The following HTR4 variants were observed in gnomAD, a reference collection of about 807,000 sequenced individuals.
HTR4 encodes 5-hydroxytryptamine (serotonin) receptor 4, G protein-coupled.
A neutral mutation model predicts 36.8 loss-of-function variants in HTR4; 16 were observed. The observed-to-expected ratio is 0.43, with a 90% CI of 0.29 to 0.66. The LOEUF (loss-of-function observed/expected upper bound fraction) is 0.66, where lower values mean the gene tolerates loss of function less well. Ranked by LOEUF, HTR4 falls within the 30% of genes least tolerant of loss-of-function variation. The pLI, the probability that HTR4 is intolerant of heterozygous loss-of-function variation, is 0.13. For missense variants in HTR4, 438 were observed against 490.9 expected, an observed-to-expected ratio of 0.89 and a Z score of 1.02; for synonymous variants, 189 against 185.1, an observed-to-expected ratio of 1.02 and a Z score of -0.17.
chr5:148,464,034 C>CAAAAAAAAAAAA (rs34212190), intron 5 of HTR4, among the ~76,000 whole-genome samples: 2 of 99,726 alleles, frequency 2.0e-5, no homozygotes, highest in Admixed American at 2.0e-4. Context: ...CATTGACATG[C>CAAAAAAAAAAAA]AAAAAAAAAA....
At chr5:148,619,803 A>T (rs954759796) in intron 2 of HTR4, among the ~76,000 whole-genome samples, 1 of 152,224 alleles carries the variant, frequency 6.6e-6, no homozygotes, top group Non-Finnish European at 1.5e-5. Context: ...AATGAGCTGT[A>T]ACTTGACAGA....
intron 5 of HTR4, among the ~76,000 whole-genome samples, chr5:148,459,151 G>A (rs981961879): frequency 6.6e-6 from 1 of 152,122 alleles, no homozygotes; most frequent in African/African-American, 2.4e-5. Context: ...GGACATTCCA[G>A]GCATGGGCAT....
chr5:148,560,379 T>C (rs1284243624), intron 2 of HTR4, among the ~76,000 whole-genome samples: 1 of 152,156 alleles, frequency 6.6e-6, no homozygotes, highest in Non-Finnish European at 1.5e-5. Context: ...TCTAACTTAG[T>C]GCATCTTGGG....
At chr5:148,576,341 C>T (rs1760918630) in intron 2 of HTR4, among the ~76,000 whole-genome samples, 1 of 151,828 alleles carries the variant, frequency 6.6e-6, no homozygotes, top group African/African-American at 2.4e-5. Flanking sequence ...AATGAAAAAA[C>T]ATCCCATGTG....
intron 6 of HTR4, among the ~76,000 whole-genome samples, chr5:148,486,375 C>G (rs531915506): frequency 6.6e-6 from 1 of 152,032 alleles, no homozygotes; most frequent in Non-Finnish European, 1.5e-5. Flanking sequence ...CTCAGGAAGC[C>G]CCTTTCACTC....
intron 2 of HTR4, among the ~76,000 whole-genome samples, chr5:148,571,804 A>G (rs926215935): frequency 6.6e-6 from 1 of 152,100 alleles, no homozygotes; most frequent in South Asian, 2.1e-4. Context: ...GTGGCACACT[A>G]GTTCCCTATC....
At chr5:148,647,588 C>T (rs1753910343) in intron 1 of HTR4, among the ~76,000 whole-genome samples, 1 of 152,166 alleles carries the variant, frequency 6.6e-6, no homozygotes, top group African/African-American at 2.4e-5. Context: ...GTGGCTCACG[C>T]CTGTAATCCC....
intron 6 of HTR4, among the ~76,000 whole-genome samples, chr5:148,492,403 G>A (rs1973877): frequency 0.46 from 70,080 of 152,022 alleles, 16,697 homozygotes; most frequent in African/African-American, 0.58. Context: ...TTAAACAATT[G>A]TTTATAAACA....
At chr5:148,653,738 A>C (rs1226935008) in intron 1 of HTR4, among the ~76,000 whole-genome samples, 1 of 152,026 alleles carries the variant, frequency 6.6e-6, no homozygotes, top group Non-Finnish European at 1.5e-5. Context: ...TCTTACACAC[A>C]CGCACACACA....
intron 6 of HTR4, among the ~76,000 whole-genome samples, chr5:148,486,672 T>A (rs943677000): frequency 6.6e-6 from 1 of 152,254 alleles, no homozygotes; most frequent in African/African-American, 2.4e-5. Context: ...TCTCCAAAGC[T>A]GTGGGTAATT....
At chr5:148,643,461 A>G (rs1753786280) in intron 1 of HTR4, among the ~76,000 whole-genome samples, 1 of 152,170 alleles carries the variant, frequency 6.6e-6, no homozygotes, top group Non-Finnish European at 1.5e-5. Flanking sequence ...TCCCCCAAAG[A>G]ATACAATGAG....
chr5:148,610,938 T>G (rs971926956), intron 2 of HTR4, among the ~76,000 whole-genome samples: 1 of 149,812 alleles, frequency 6.7e-6, no homozygotes. Flanking sequence ...CAATGGAAGA[T>G]GAAATGAATG....
At chr5:148,608,609 T>C (rs1313747849) in intron 2 of HTR4, among the ~76,000 whole-genome samples, 1 of 152,198 alleles carries the variant, frequency 6.6e-6, no homozygotes, top group African/African-American at 2.4e-5. Context: ...TGGATTTTAA[T>C]CAATTGAAAG....
At chr5:148,589,674 T>C (rs1396843288) in intron 2 of HTR4, among the ~76,000 whole-genome samples, 1 of 152,170 alleles carries the variant, frequency 6.6e-6, no homozygotes, top group Non-Finnish European at 1.5e-5. Context: ...TATTTTGCCA[T>C]ACAGAAGATT....
intron 2 of HTR4, among the ~76,000 whole-genome samples, chr5:148,583,366 A>G (rs1289191860): frequency 2.6e-5 from 4 of 152,050 alleles, no homozygotes; most frequent in African/African-American, 9.7e-5. Flanking sequence ...GCGCACTAGC[A>G]TGGCACATGT....
intron 2 of HTR4, among the ~76,000 whole-genome samples, chr5:148,600,677 A>C (rs981536749): frequency 6.6e-6 from 1 of 151,936 alleles, no homozygotes; most frequent in Non-Finnish European, 1.5e-5. Context: ...AGTGAGGCAA[A>C]AGATCCGTAC....
intron 1 of HTR4, among the ~76,000 whole-genome samples, chr5:148,646,811 C>A (rs1027336821): frequency 6.6e-6 from 1 of 152,134 alleles, no homozygotes; most frequent in African/African-American, 2.4e-5. Context: ...TCTCATTTCA[C>A]AGATGAAGAA....
intron 2 of HTR4, among the ~76,000 whole-genome samples, chr5:148,627,058 T>C (rs1753137287): frequency 6.6e-6 from 1 of 152,158 alleles, no homozygotes; most frequent in Non-Finnish European, 1.5e-5. Context: ...TTCATAAATT[T>C]CTCTAGGATC....
At chr5:148,620,257 T>A (rs1752867429) in intron 2 of HTR4, among the ~76,000 whole-genome samples, 1 of 152,260 alleles carries the variant, frequency 6.6e-6, no homozygotes, top group African/African-American at 2.4e-5. Context: ...AAGAAACTGA[T>A]CAGTCTGTAA....
Sources: allele counts gnomAD v4.1 joint callset (sites outside exome capture counted in the v4.1 genomes callset), GRCh38; gene constraint gnomAD v4.1.1; transcripts MANE v1.5; gene names NCBI Gene and HGNC (gene_info 2026-07-23, HGNC 2026-07-21).